Variants in TTN observed in about 807,000 individuals in gnomAD.
The protein encoded by TTN is titin.
TTN carries 1,525 observed loss-of-function variants against 3,223.0 expected under a neutral mutation model. The observed-to-expected ratio is 0.47, with a 90% CI of 0.45 to 0.49. The LOEUF (loss-of-function observed/expected upper bound fraction) is 0.49, where lower values mean the gene tolerates loss of function less well. Among genes scored for constraint, TTN ranks in the 20% least tolerant of loss-of-function variants. The pLI, the probability that TTN is intolerant of heterozygous loss-of-function variation, is 0.00. For missense variants in TTN, 40,786 were observed against 43,424.0 expected, an observed-to-expected ratio of 0.94 and a Z score of 5.40; for synonymous variants, 14,094 against 15,161.0, an observed-to-expected ratio of 0.93 and a Z score of 5.17.
In TTN at chr2:178,712,028, C is replaced by T. The variant is rs751988610; in HGVS notation, c.27802G>A (p.Asp9268Asn). ...ATATATTCTCCACTATCATTAATATCAACCTGGTTGAAAACCAGTGTAGCA... is the reference window on the plus strand; with the variant it reads ...ATATATTCTCCACTATCATTAATATTAACCTGGTTGAAAACCAGTGTAGCA... Reference protein sequence around the residue: ...NVATLVFNQVDINDSGEYICK... With the variant: ...NVATLVFNQVNINDSGEYICK... Residue 9268 changes from aspartate to asparagine, a missense_variant, in exon 96 of 363, where the codon GAT becomes AAT. Physicochemically the swap from Asp to Asn is conservative, Grantham distance 23. Transcript: ENST00000589042. 6.2e-7 allele frequency: 1 copy of T among 1,613,782 alleles called. No homozygotes were observed. The highest frequency in any genetic ancestry group is 2.2e-5 in the East Asian group (1 of 44,870).
At position 178,634,206 on chromosome 2, in the gene TTN, A is replaced by G. The variant is rs2060142278; in HGVS notation, c.42416-123T>C. On this transcript the variant is annotated intron_variant, in intron 230 of 362. Coordinates refer to ENST00000589042, the MANE Select transcript of TTN (RefSeq NM_001267550.2). This position sits in a 1 kb window ranked among gnomAD's most constrained non-coding sequence, Gnocchi z 4.6. ...CACTTATTTATTCATCTTTCCAAATAGAGCTCCACTAAAAACAAATTAAGG... is the reference window on the plus strand; with the variant it reads ...CACTTATTTATTCATCTTTCCAAATGGAGCTCCACTAAAAACAAATTAAGG... 1.3e-6 allele frequency: 2 copies of G among 1,489,044 alleles called. No homozygotes were observed. Among genetic ancestry groups the G allele is most frequent in the Non-Finnish European group, 1.8e-6 (2 of 1,120,214 alleles). The allele number at this position is 1,489,044 out of a possible 1,614,324, so 92.2% of individuals were successfully genotyped here. A position where few individuals can be genotyped will look rare whatever the true frequency, so the allele number is the denominator to read the frequency against.
In TTN at chr2:178,538,719, T is replaced by C. The variant is rs1692914816; in HGVS notation, c.99110A>G (p.Tyr33037Cys). ...CCAGGCACTGTCTCCAGACTGTCTA[T>C]ATTCAACCCAGTATCCAAGAATTTC... is the stretch of plus-strand genomic sequence containing the variant. ...GKEILGYWVE[Y>C]RQSGDSAWKK... Residue 33037 changes from tyrosine to cysteine, a missense_variant, in exon 354 of 363, where the codon TAT (tyrosine) becomes TGT (cysteine). Tyr to Cys is a radical substitution (Grantham distance 194). Coordinates refer to ENST00000589042, the MANE Select transcript of TTN (RefSeq NM_001267550.2). 3.1e-6 allele frequency: 5 copies of C among 1,613,702 alleles called. No homozygotes were observed.
At chr2:178,710,555 A>C in intron 98 of TTN, 80 bp downstream of exon 98, 1 of 1,471,686 alleles carries the variant, frequency 6.8e-7, no homozygotes, top group Non-Finnish European at 9.1e-7. Context: ...AATTGCATTC[A>C]TCATCATAAA....
chr2:178,600,114 G>A (rs563707712), intron 288 of TTN, among the ~76,000 whole-genome samples: 5 of 151,988 alleles, frequency 3.3e-5, no homozygotes, highest in Admixed American at 3.3e-4. Flanking sequence ...ATGTAATGAT[G>A]TGTATTATTA....
chr2:178,579,583 A>G lies in TTN; in HGVS notation c.67614T>C (p.Thr22538=), dbSNP rs1180310461. 1 of 1,613,174 alleles carries G rather than the reference A, an allele frequency of 6.2e-7. No homozygotes were observed. Among genetic ancestry groups the G allele is most frequent in the African/African-American group, 1.3e-5 (1 of 74,876 alleles). ...TACCAACATCATCCCTTGCCACAAC[A>G]GTGATTTCGCTTGGGGTTCCTTCTC... is the stretch of plus-strand genomic sequence containing the variant. ...ENGEGTPSEI[T]VVARDDVVAP... The change falls in exon 319 of 363, where the codon ACT becomes ACC. Residue 22538 remains threonine, a synonymous_variant. Transcript: ENST00000589042.
At position 178,564,195 on chromosome 2, in the gene TTN, C is replaced by T. The variant is rs786205298; in HGVS notation, c.81937G>A (p.Gly27313Arg). ...PIPDVVWSKD[G>R]KELEETAARM... Reference sequence around the variant, plus strand: ...GCAGCTGTTTCTTCAAGTTCTTTTCCATCTTTTGACCAAACAACATCAGGT... The same window carrying T: ...GCAGCTGTTTCTTCAAGTTCTTTTCTATCTTTTGACCAAACAACATCAGGT... Residue 27313 changes from glycine to arginine, a missense_variant, in exon 326 of 363, where the codon GGA (glycine) becomes AGA (arginine). Gly to Arg is a moderately radical substitution (Grantham distance 125). Coordinates refer to ENST00000589042, the MANE Select transcript of TTN (RefSeq NM_001267550.2). 6.2e-7 allele frequency: 1 copy of T among 1,613,606 alleles called. No homozygotes were observed. The highest frequency in any genetic ancestry group is 8.5e-7 in the Non-Finnish European group (1 of 1,179,742).
At position 178,620,762 on chromosome 2, in the gene TTN, T is replaced by C. The variant is rs1326395034; in HGVS notation, c.45848A>G (p.Asn15283Ser). The change falls in exon 247 of 363, where the codon AAT becomes AGT. Residue 15283 changes from asparagine (N) to serine (S), a missense_variant. Asn to Ser is a conservative substitution (Grantham distance 46). Coordinates refer to ENST00000589042, the MANE Select transcript of TTN (RefSeq NM_001267550.2). ...DQANYNVSLT[N>S]HRGENVKSAA... Reference sequence around the variant, plus strand: ...ACTTTTAACATTTTCACCTCTGTGATTGGTCAAAGACACATTATAGTTGGC... The same window carrying C: ...ACTTTTAACATTTTCACCTCTGTGACTGGTCAAAGACACATTATAGTTGGC... 10 of 1,612,700 alleles carry C rather than the reference T, an allele frequency of 6.2e-6. No individual in the cohort carries two copies. In the Middle Eastern group the frequency reaches 4.9e-4, roughly 80 times the overall value.
At chr2:178,802,682 G>A (rs2094127061) in intron 2 of TTN, among the ~76,000 whole-genome samples, 1 of 152,178 alleles carries the variant, frequency 6.6e-6, no homozygotes, top group African/African-American at 2.4e-5. Flanking sequence ...AATCATGAAA[G>A]GGACTTATAA....
intron 242 of TTN, 82 bp from the exon 243 acceptor site, chr2:178,622,849 G>C (rs1410699004): frequency 9.1e-7 from 1 of 1,094,180 alleles, no homozygotes. Context: ...TTAAGAAAAA[G>C]TGACTCTTTT....
rs1703682892 is a variant in TTN at position 178,561,595 on chromosome 2, A to C, written c.84537T>G (p.Val28179=). The C allele has an allele frequency of 6.2e-7, 1 of 1,613,260 alleles. No homozygotes were observed. The highest frequency in any genetic ancestry group is 1.3e-5 in the African/African-American group (1 of 75,022). Residue 28179 remains valine (V), a synonymous_variant, in exon 326 of 363, where the codon GTT becomes GTG. Coordinates refer to ENST00000589042, the MANE Select transcript of TTN (RefSeq NM_001267550.2). ...CAATTACTCGACTTCCTCCATCATT[A>C]ACTGGCACTTGCCAGGTTACAAGCA... ...STMLVTWQVP[V]NDGGSRVIGY...
Position 178,684,715 on chromosome 2 carries a change from T to G in TTN, c.32589A>C (p.Lys10863Asn), listed in dbSNP as rs751626958. The G allele has an allele frequency of 1.2e-6, 2 of 1,613,674 alleles. No individual in the cohort carries two copies. The highest frequency in any genetic ancestry group is 2.2e-5 in the East Asian group (1 of 44,868). ...TCTTAATGACTTTTGGAGGAACCTT[T>G]TTTTCTGGAACTGGTTTCTTTGGCT... Reference protein sequence around the residue: ...PEEPKKPVPEKKVPPKVIKME... With the variant: ...PEEPKKPVPENKVPPKVIKME... The change falls in exon 131 of 363, where the codon AAA (lysine) becomes AAC (asparagine). Residue 10863 changes from lysine to asparagine, a missense_variant. Physicochemically the swap from Lys to Asn is moderately conservative, Grantham distance 94. Transcript: ENST00000589042.
chr2:178,786,406 C>T (rs2154351908), intron 13 of TTN, among the ~76,000 whole-genome samples: 1 of 152,260 alleles, frequency 6.6e-6, no homozygotes, highest in East Asian at 1.9e-4. Flanking sequence ...ACAATATGAA[C>T]ATAAAATCAC....
Position 178,646,484 on chromosome 2 carries a change from C to A in TTN, c.40297+1G>T, listed in dbSNP as rs568585511. The A allele has an allele frequency of 3.2e-6, 5 of 1,542,516 alleles. No individual in the cohort carries two copies. The highest frequency in any genetic ancestry group is 1.7e-4 in the Middle Eastern group (1 of 5,950). Reference sequence around the variant, plus strand: ...AGATTTAAGTCCACTGGATTGAATACCTTTTACTGGTATTTCTTCAGGCTG... The same window carrying A: ...AGATTTAAGTCCACTGGATTGAATAACTTTTACTGGTATTTCTTCAGGCTG... On this transcript the variant is annotated splice_donor_variant, in intron 216 of 362. Transcript: ENST00000589042. LOFTEE classifies it high-confidence loss of function.
rs1177553110 is a variant in TTN, at chr2:178,539,834, T to A, written c.98231A>T (p.Asp32744Val). The A allele has an allele frequency of 6.2e-7, 1 of 1,613,864 alleles. No individual in the cohort carries two copies. Among genetic ancestry groups the A allele is most frequent in the Admixed American group, 1.7e-5 (1 of 60,006 alleles). ...TGCAATCATGGCACGCTTACTAATA[T>A]CCTGGCCTTCCTTGGTCCATTTACA... ...PICKWTKEGQ[D>V]ISKRAMIATS... The change falls in exon 352 of 363, where the codon GAT becomes GTT. Residue 32744 changes from aspartate (D) to valine (V), a missense_variant. Coordinates refer to ENST00000589042, the MANE Select transcript of TTN (RefSeq NM_001267550.2).
Position 178,750,510 on chromosome 2 carries a change from C to T in TTN, c.11311+2614G>A, listed in dbSNP as rs141289472. The T allele has an allele frequency of 4.3e-6, 7 of 1,612,596 alleles. No individual in the cohort carries two copies. In the African/African-American group the frequency reaches 8.0e-5, roughly 18 times the overall value. On this transcript the variant is annotated intron_variant, in intron 47 of 362. Transcript: ENST00000589042. Reference sequence around the variant, plus strand: ...TGAGGATATCCTTGAAAATGACACACAAAATTACAACTGTCACCTTCATAA... The same window carrying T: ...TGAGGATATCCTTGAAAATGACACATAAAATTACAACTGTCACCTTCATAA...
chr2:178,766,358 T>C (rs1475039408), intron 41 of TTN, 23 bp downstream of exon 41: 2 of 1,554,402 alleles, frequency 1.3e-6, no homozygotes, highest in South Asian at 1.1e-5. Context: ...CCACAAAATA[T>C]GCTGAAATCT....
At position 178,727,660 on chromosome 2, in the gene TTN, T is replaced by C; in HGVS notation, c.19918A>G (p.Lys6640Glu). The part of the protein sequence containing the change: ...FLNLYSVDAS[K>E]TGQYTCHVTN... ...ACATGGCAAGTATACTGTCCAGTCT[T>C]AGAAGCATCCACTGAGTAGAGATTT... Residue 6640 changes from lysine (K) to glutamate (E), a missense_variant, in exon 68 of 363, where the codon AAG (lysine) becomes GAG (glutamate). Lys to Glu is a moderately conservative substitution (Grantham distance 56, BLOSUM62 1). Transcript: ENST00000589042. 1 of 1,612,992 alleles carries C rather than the reference T, an allele frequency of 6.2e-7. No individual in the cohort carries two copies. The highest frequency in any genetic ancestry group is 8.5e-7 in the Non-Finnish European group (1 of 1,179,282).
At position 178,608,892 on chromosome 2, in the gene TTN, T is replaced by G. The variant is rs2055577840; in HGVS notation, c.52119A>C (p.Pro17373=). The G allele has an allele frequency of 2.5e-6, 4 of 1,609,966 alleles. No individual in the cohort carries two copies. The South Asian group carries it at 4.4e-5, about 18-fold the overall frequency. The part of the protein sequence containing the change: ...TVSVLDTPGP[P]INFVFEDIRK... The stretch of plus-strand genomic sequence containing the variant: ...TGATATCTTCAAATACAAAGTTGAT[T>G]GGTGGTCCCGGTGTATCTAATATTT... Residue 17373 remains proline (P), a synonymous_variant, in exon 274 of 363, where the codon CCA becomes CCC. Transcript: ENST00000589042.
chr2:178,727,483 A>C, intron 68 of TTN, 102 bp downstream of exon 68: 2 of 1,504,948 alleles, frequency 1.3e-6, no homozygotes, highest in Admixed American at 2.3e-5. Flanking sequence ...TTACTATGTT[A>C]GAAAGAATAC....
Sources: gnomAD v4.1 joint callset for allele counts (sites outside exome capture counted in the v4.1 genomes callset) on GRCh38, gnomAD v4.1.1 for gene constraint, Gnocchi (gnomAD v3.1) non-coding constraint, MANE v1.5 for transcripts, NCBI Gene and HGNC (gene_info 2026-07-23, HGNC 2026-07-21) for gene names.